Variants in SPNS2 observed in about 807,000 individuals in gnomAD.
SPNS2 encodes sphingosine-1-phosphate transporter SPNS2.
SPNS2 carries 37 observed loss-of-function variants against 57.6 expected under a neutral mutation model. The observed-to-expected ratio is 0.64, with a 90% CI of 0.49 to 0.85. The LOEUF (loss-of-function observed/expected upper bound fraction) is 0.85, where lower values mean the gene tolerates loss of function less well. SPNS2 is among the 40% of genes least tolerant of loss of function. The pLI is 0.00. For synonymous variants in SPNS2, 440 were observed against 346.9 expected (o/e 1.27, Z -2.98); for missense variants, 831 against 779.1 (o/e 1.07, Z -0.79).
At chr17:4,524,789 CTT>C (rs963175493) in intron 2 of SPNS2, among the ~76,000 whole-genome samples, 5 of 152,246 alleles carry the variant, frequency 3.3e-5, no homozygotes, top group African/African-American at 7.2e-5. Flanking sequence ...GATCTTGACT[CTT>C]TTAAAAAGTA....
At chr17:4,506,078 C>T (rs376550943) in intron 1 of SPNS2, among the ~76,000 whole-genome samples, 2 of 152,150 alleles carry the variant, frequency 1.3e-5, no homozygotes, top group Non-Finnish European at 2.9e-5. Flanking sequence ...CTGCTTGCAG[C>T]CTTTTTGTGG....
At position 4,536,118 on chromosome 17, in the gene SPNS2, C is replaced by T; in HGVS notation, c.1387C>T (p.Gln463Ter). 5 of 1,612,652 alleles carry T rather than the reference C, an allele frequency of 3.1e-6. No individual in the cohort carries two copies. Among genetic ancestry groups the T allele is most frequent in the Non-Finnish European group, 4.2e-6 (5 of 1,179,832 alleles). The change falls in exon 10 of 13, where the codon CAG becomes TAG. Residue 463 changes from glutamine (Q) to a stop codon, truncating the protein, a stop_gained. Coordinates refer to ENST00000329078, the MANE Select transcript of SPNS2 (RefSeq NM_001124758.3). LOFTEE classifies it high-confidence loss of function. The stretch of plus-strand genomic sequence containing the variant: ...GCGGCGCGCCACTGCCGTGGCCTTG[C>T]AGAGCTTCACCTCCCACCTGCTGGG... ...PTRRATAVAL[Q>*]SFTSHLLGDA... is the part of the protein sequence containing the mutation.
intron 5 of SPNS2, among the ~76,000 whole-genome samples, 172 bp from the exon 6 acceptor site, chr17:4,532,370 C>T (rs995584979): frequency 5.3e-5 from 8 of 152,190 alleles, no homozygotes; most frequent in Non-Finnish European, 1.0e-4. Flanking sequence ...AGTCTCTTGA[C>T]CGACCTCAGC....
intron 5 of SPNS2, among the ~76,000 whole-genome samples, chr17:4,531,716 G>A (rs139762263): frequency 1.3e-5 from 2 of 152,208 alleles, no homozygotes; most frequent in African/African-American, 4.8e-5. Flanking sequence ...GAGGGAGGTG[G>A]CAGGCAGAGG....
chr17:4,516,342 A>C (rs141272094), intron 2 of SPNS2, among the ~76,000 whole-genome samples: 637 of 44,436 alleles, frequency 0.014, 25 homozygotes, highest in African/African-American at 0.062. Context: ...AAAAAAAAAA[A>C]ACAAAAAAAC....
chr17:4,533,344 C>T lies in SPNS2; in HGVS notation c.1190C>T (p.Pro397Leu). 6.2e-7 allele frequency: 1 copy of T among 1,612,034 alleles called. No homozygotes were observed. Among genetic ancestry groups the T allele is most frequent in the Non-Finnish European group, 8.5e-7 (1 of 1,179,760 alleles). ...WCRLKTQRAD[P>L]LVCAVGMLGS... ...CGCCTGAAGACCCAGCGGGCCGACC[C>T]ACTGGTGTGTGCCGTGGGCATGCTG... The change falls in exon 8 of 13, where the codon CCA becomes CTA. Residue 397 changes from proline (P) to leucine (L), a missense_variant. By Grantham distance (98) the Pro-to-Leu change is moderately conservative. Coordinates refer to ENST00000329078, the MANE Select transcript of SPNS2 (RefSeq NM_001124758.3).
intron 2 of SPNS2, among the ~76,000 whole-genome samples, chr17:4,516,330 AAAAAAAAAAAAAAC>A (rs1904989949): frequency 1.1e-5 from 1 of 90,846 alleles, no homozygotes; most frequent in Non-Finnish European, 2.5e-5. Flanking sequence ...AAAAAAAAAA[AAAAAAAAAAAAAAC>A]AAAAAAACCG....
At chr17:4,532,453 A>G in intron 5 of SPNS2, 89 bp from the exon 6 acceptor site, 1 of 1,574,206 alleles carries the variant, frequency 6.4e-7, no homozygotes, top group Non-Finnish European at 8.7e-7. Context: ...TATGGCCCAG[A>G]GAAGGCATGG....
intron 2 of SPNS2, among the ~76,000 whole-genome samples, chr17:4,516,352 C>A (rs5818962): frequency 0.12 from 6,368 of 52,828 alleles, 439 homozygotes; most frequent in African/African-American, 0.21. Context: ...AACAAAAAAA[C>A]CGCTCATAGG....
chr17:4,537,681 C>T lies in SPNS2; in HGVS notation c.*233C>T. 1 of 456,770 alleles carries T rather than the reference C, an allele frequency of 2.2e-6. No individual in the cohort carries two copies. Among genetic ancestry groups the T allele is most frequent in the African/African-American group, 2.0e-5 (1 of 50,214 alleles). 28.3% of individuals were successfully genotyped at this position (456,770 alleles called of 1,614,324 possible). The stretch of plus-strand genomic sequence containing the variant: ...GCCACACGGTTGGACAGGTTCCCAG[C>T]CCTAGGTTTGGGCCGCAGGGCCCCT... On this transcript the variant is annotated 3_prime_UTR_variant, in exon 13 of 13. Transcript: ENST00000329078.
intron 1 of SPNS2, among the ~76,000 whole-genome samples, chr17:4,504,148 A>G (rs1478822138): frequency 6.6e-6 from 1 of 152,036 alleles, no homozygotes; most frequent in Non-Finnish European, 1.5e-5. Context: ...CACCTTAAGG[A>G]TAAACAGTGC....
rs75770919 is a variant in SPNS2 at position 4,514,414 on chromosome 17, C to A, written c.436+1102C>A. 7.3e-3 allele frequency among the ~76,000 whole-genome samples: 1,112 copies of A among 152,274 alleles called. 8 individuals are homozygous for A. Among genetic ancestry groups the A allele is most frequent in the Non-Finnish European group, 0.011 (780 of 67,994 alleles). ...CGTTCTGTCCAGGAACCTGCCTGACCTGTCTAAGTGGCATTCCAGTACTCA... is the reference window on the plus strand; with the variant it reads ...CGTTCTGTCCAGGAACCTGCCTGACATGTCTAAGTGGCATTCCAGTACTCA... On this transcript the variant is annotated intron_variant, in intron 2 of 12. Transcript: ENST00000329078.
In SPNS2 at chr17:4,530,764, T is replaced by C; in HGVS notation, c.706T>C (p.Phe236Leu). 1 of 1,613,658 alleles carries C rather than the reference T, an allele frequency of 6.2e-7. No homozygotes were observed. Among genetic ancestry groups the C allele is most frequent in the Non-Finnish European group, 8.5e-7 (1 of 1,179,828 alleles). Residue 236 changes from phenylalanine (F) to leucine (L), a missense_variant, in exon 4 of 13, where the codon TTC becomes CTC. By Grantham distance (22) the Phe-to-Leu change is conservative (BLOSUM62 0). Around this residue, in one of 2 missense-constraint regions of SPNS2, gnomAD observed 305 missense variants for 378.3 expected, o/e 0.81. Coordinates refer to ENST00000329078, the MANE Select transcript of SPNS2 (RefSeq NM_001124758.3). The stretch of plus-strand genomic sequence containing the variant: ...TACGCTCATGCTGTCCGTCTTCTAC[T>C]TCGCCATCCCACTGGGCAGGTGAGA... ...TRTLMLSVFY[F>L]AIPLGSGLGY...
rs769777099 is a variant in SPNS2 at position 4,538,876 on chromosome 17, CTTG to C, written c.*1433_*1435del. The C allele has an allele frequency of 1.4e-5, 11 of 781,040 alleles. No individual in the cohort carries two copies. Among genetic ancestry groups the C allele is most frequent in the South Asian group, 4.0e-5 (3 of 74,610 alleles). The allele number at this position is 781,040 out of a possible 1,614,324, so 48.4% of individuals were successfully genotyped here. A position where few individuals can be genotyped will look rare whatever the true frequency, so the allele number is the denominator to read the frequency against. Reference sequence around the variant, plus strand: ...CTCAGCGGGGCCCCAGCGATGTTTTCTTGTTGTACAAGAACCAGGTCCGAGTGT... The same window carrying C: ...CTCAGCGGGGCCCCAGCGATGTTTTCTTGTACAAGAACCAGGTCCGAGTGT... On this transcript the variant is annotated 3_prime_UTR_variant, in exon 13 of 13. Coordinates refer to ENST00000329078, the MANE Select transcript of SPNS2 (RefSeq NM_001124758.3).
Position 4,536,182 on chromosome 17 carries a change from G to GC in SPNS2, c.1443+12dup. 1.2e-6 allele frequency: 2 copies of GC among 1,610,858 alleles called. No homozygotes were observed. The highest frequency in any genetic ancestry group is 1.7e-6 in the Non-Finnish European group (2 of 1,179,126). On this transcript the variant is annotated intron_variant, in intron 10 of 12. Coordinates refer to ENST00000329078, the MANE Select transcript of SPNS2 (RefSeq NM_001124758.3). ...CCCTACCTCATTGGCTTTGTGAGTA[G>GC]CCCCGGGGTGGGGCTGGCCAGGGCA...
At position 4,536,892 on chromosome 17, in the gene SPNS2, T is replaced by TC. The variant is rs762119659; in HGVS notation, c.1608-3dup. ...CACCACCCTGACCCCCGCCCGTCTCTCCCCCAGGGTGAACCAGCTGGCGAT... is the reference window on the plus strand; with the variant it reads ...CACCACCCTGACCCCCGCCCGTCTCTCCCCCCAGGGTGAACCAGCTGGCGAT... On this transcript the variant is annotated splice_polypyrimidine_tract_variant and splice_region_variant and intron_variant, in intron 11 of 12. Coordinates refer to ENST00000329078, the MANE Select transcript of SPNS2 (RefSeq NM_001124758.3). 1.9e-6 allele frequency: 3 copies of TC among 1,612,600 alleles called. No individual in the cohort carries two copies. The highest frequency in any genetic ancestry group is 3.4e-4 in the Middle Eastern group (2 of 5,834).
intron 2 of SPNS2, among the ~76,000 whole-genome samples, chr17:4,520,370 G>C (rs995499461): frequency 6.6e-6 from 1 of 152,198 alleles, no homozygotes; most frequent in Non-Finnish European, 1.5e-5. Context: ...TCCACTGTGG[G>C]CAAGAGGAGA....
chr17:4,531,525 A>G (rs1490421356), intron 5 of SPNS2, among the ~76,000 whole-genome samples: 1 of 152,094 alleles, frequency 6.6e-6, no homozygotes, highest in African/African-American at 2.4e-5. Context: ...GTCTGGAGCC[A>G]CTTCCGGTCT....
chr17:4,533,291 C>T lies in SPNS2; in HGVS notation c.1137C>T (p.Val379=), dbSNP rs1905585583. Residue 379 remains valine, a synonymous_variant, in exon 8 of 13, where the codon GTC becomes GTT. Transcript: ENST00000329078. The part of the protein sequence containing the change: ...ITCFTGFLGV[V]TGAGATRWCR... ...GCTTTACGGGATTTCTGGGCGTGGT[C>T]ACGGGGGCAGGAGCCACGCGCTGGT... 1.9e-6 allele frequency: 3 copies of T among 1,610,552 alleles called. No individual in the cohort carries two copies. Among genetic ancestry groups the T allele is most frequent in the African/African-American group, 2.7e-5 (2 of 74,886 alleles).
Sources: allele counts gnomAD v4.1 joint callset (sites outside exome capture counted in the v4.1 genomes callset), GRCh38; gene constraint gnomAD v4.1.1; regional missense constraint gnomAD v4.1.1; transcripts MANE v1.5; gene names NCBI Gene and HGNC (gene_info 2026-07-23, HGNC 2026-07-21).